Variants in DOCK4 observed in about 807,000 individuals in gnomAD.
The protein encoded by DOCK4 is dedicator of cytokinesis 4.
Under a neutral mutation model 268.1 loss-of-function variants are expected in DOCK4, and 97 were observed. That is an observed-to-expected ratio of 0.36 (90% CI 0.31 to 0.43). The LOEUF is 0.43. Among genes scored for constraint, DOCK4 ranks in the 20% least tolerant of loss-of-function variants. The pLI is 1.00. For missense variants in DOCK4, 2,145 were observed against 2,455.7 expected, an observed-to-expected ratio of 0.87 and a Z score of 2.67; for synonymous variants, 954 against 887.2, an observed-to-expected ratio of 1.08 and a Z score of -1.34.
At chr7:112,049,817 T>C (rs1352072787) in intron 1 of DOCK4, among the ~76,000 whole-genome samples, 1 of 152,216 alleles carries the variant, frequency 6.6e-6, no homozygotes, top group Non-Finnish European at 1.5e-5. Context: ...AATATTTATG[T>C]ACCTAAAAAC....
chr7:111,994,846 C>T (rs1056900458), intron 4 of DOCK4, among the ~76,000 whole-genome samples: 5 of 152,100 alleles, frequency 3.3e-5, no homozygotes, highest in Non-Finnish European at 7.4e-5. Flanking sequence ...TATGACATCA[C>T]CGATATTTGA....
intron 27 of DOCK4, chr7:111,820,230 A>T (rs148290856): frequency 6.6e-6 from 1 of 152,388 alleles, no homozygotes; most frequent in Non-Finnish European, 1.5e-5. Context: ...AACATACAGC[A>T]GACTGGCTGC....
intron 16 of DOCK4, among the ~76,000 whole-genome samples, chr7:111,888,017 T>C (rs1466817087): frequency 6.6e-6 from 1 of 151,836 alleles, no homozygotes; most frequent in African/African-American, 2.4e-5. Flanking sequence ...CACAAGAAGT[T>C]AAGGAAGTTC....
rs1231677626 is a variant in DOCK4 at position 111,812,514 on chromosome 7, TCAAGC to T, written c.2931-570_2931-566del. ...CCACGCTGGTCTTGAAATCCTGACCTCAAGCTATCCTCCTGTCTGGGCCTCCCCAA... is the reference window on the plus strand; with the variant it reads ...CCACGCTGGTCTTGAAATCCTGACCTTATCCTCCTGTCTGGGCCTCCCCAA... On this transcript the variant is annotated intron_variant, in intron 27 of 52. Coordinates refer to ENST00000428084, the MANE Select transcript of DOCK4 (RefSeq NM_001363540.2). Among the ~76,000 whole-genome samples, 3 of 152,192 alleles carry T rather than the reference TCAAGC, an allele frequency of 2.0e-5. No homozygotes were observed. In the East Asian group the frequency reaches 5.8e-4, roughly 29 times the overall value.
intron 1 of DOCK4, among the ~76,000 whole-genome samples, chr7:112,086,422 A>G (rs1809098209): frequency 6.6e-6 from 1 of 152,110 alleles, no homozygotes; most frequent in African/African-American, 2.4e-5. Context: ...TTGTTTTCTT[A>G]ACAGGAGAGT....
chr7:111,976,972 C>G, intron 8 of DOCK4, 160 bp downstream of exon 8: 2 of 755,698 alleles, frequency 2.6e-6, no homozygotes, highest in South Asian at 5.2e-5. Context: ...ACAGAAACAT[C>G]CAAAGAACAG....
chr7:111,896,199 C>G (rs905136335), intron 15 of DOCK4, among the ~76,000 whole-genome samples: 1 of 152,162 alleles, frequency 6.6e-6, no homozygotes, highest in Non-Finnish European at 1.5e-5. Context: ...ACTTCTTTCC[C>G]TATATCCACA....
chr7:111,859,769 G>A (rs1338894249), intron 23 of DOCK4, among the ~76,000 whole-genome samples: 1 of 151,642 alleles, frequency 6.6e-6, no homozygotes, highest in Non-Finnish European at 1.5e-5. Context: ...GGGTTTCACC[G>A]TTTTAGCCGG....
chr7:111,934,512 GTTTTGTTTTTGTTTTTTT>G (rs1252464997), intron 12 of DOCK4, among the ~76,000 whole-genome samples: 19 of 100,722 alleles, frequency 1.9e-4, no homozygotes, highest in African/African-American at 6.7e-4. Flanking sequence ...AGCATGTTTT[GTTTTGTTTTTGTTTTTTT>G]TTTTTTTTTT....
intron 26 of DOCK4, among the ~76,000 whole-genome samples, chr7:111,828,232 T>G (rs1223003707): frequency 6.6e-6 from 1 of 152,200 alleles, no homozygotes; most frequent in Non-Finnish European, 1.5e-5. Flanking sequence ...GTACCAGCCC[T>G]CAGGTCTTTG....
At chr7:112,056,017 T>C (rs1008137912) in intron 1 of DOCK4, among the ~76,000 whole-genome samples, 5 of 151,968 alleles carry the variant, frequency 3.3e-5, no homozygotes, top group African/African-American at 1.2e-4. Context: ...AGCACAATGA[T>C]ACCTAATACT....
intron 1 of DOCK4, among the ~76,000 whole-genome samples, chr7:112,200,388 ACT>A (rs1820807003): frequency 6.6e-6 from 1 of 152,082 alleles, no homozygotes. Context: ...AGTCACTTAA[ACT>A]CTATGAAACT....
chr7:111,909,596 A>G (rs973884830), intron 13 of DOCK4, among the ~76,000 whole-genome samples: 1 of 152,268 alleles, frequency 6.6e-6, no homozygotes, highest in Non-Finnish European at 1.5e-5. Context: ...AAAATAAACA[A>G]ATAAATCCTC....
intron 1 of DOCK4, among the ~76,000 whole-genome samples, chr7:112,061,115 A>T (rs865789894): frequency 6.6e-6 from 1 of 152,156 alleles, no homozygotes; most frequent in Non-Finnish European, 1.5e-5. Context: ...TGGTGTTAAA[A>T]ACTACTCCCC....
At chr7:112,024,018 G>A (rs1021666039) in intron 1 of DOCK4, among the ~76,000 whole-genome samples, 9 of 152,136 alleles carry the variant, frequency 5.9e-5, no homozygotes, top group Non-Finnish European at 8.8e-5. Context: ...CTTTGTTCAC[G>A]GCTTTCCGTG....
chr7:112,122,661 T>C (rs1304614364), intron 1 of DOCK4, among the ~76,000 whole-genome samples: 1 of 152,248 alleles, frequency 6.6e-6, no homozygotes, highest in Non-Finnish European at 1.5e-5. Flanking sequence ...GTGCATTTAT[T>C]GAGAGGATGA....
chr7:111,914,727 C>A (rs1284613928), intron 13 of DOCK4, among the ~76,000 whole-genome samples: 1 of 152,158 alleles, frequency 6.6e-6, no homozygotes, highest in African/African-American at 2.4e-5. Flanking sequence ...CATTCCCTAG[C>A]CCTTTACCTA....
chr7:111,861,517 T>C (rs1805513448), intron 23 of DOCK4, among the ~76,000 whole-genome samples: 2 of 151,676 alleles, frequency 1.3e-5, no homozygotes, highest in South Asian at 4.2e-4. Context: ...GAGGCTGAGG[T>C]GGGTGGATCA....
At chr7:112,025,093 T>C (rs950695370) in intron 1 of DOCK4, among the ~76,000 whole-genome samples, 2 of 152,200 alleles carry the variant, frequency 1.3e-5, no homozygotes, top group Non-Finnish European at 2.9e-5. Flanking sequence ...CTAAAGTATT[T>C]AGTGACATTG....
Sources: gnomAD v4.1 joint callset for allele counts (sites outside exome capture counted in the v4.1 genomes callset) on GRCh38, gnomAD v4.1.1 for gene constraint, MANE v1.5 for transcripts, NCBI Gene and HGNC (gene_info 2026-07-23, HGNC 2026-07-21) for gene names.